SLC38A2: variants seen among roughly 807,000 people sequenced by gnomAD.
SLC38A2 encodes solute carrier family 38 member 2.
Under a neutral mutation model 61.5 loss-of-function variants are expected in SLC38A2, and 11 were observed. That is an observed-to-expected ratio of 0.18 (90% CI 0.11 to 0.30). SLC38A2 has a LOEUF of 0.30. Among genes scored for constraint, SLC38A2 ranks in the 10% least tolerant of loss-of-function variants. SLC38A2 has a pLI of 1.00. For synonymous variants in SLC38A2, 217 were observed against 212.5 expected, an observed-to-expected ratio of 1.02 and a Z score of -0.18; for missense variants, 522 against 600.4, an observed-to-expected ratio of 0.87 and a Z score of 1.36.
chr12:46,368,124 AAAG>A (rs1385133862), intron 4 of SLC38A2, among the ~76,000 whole-genome samples: 2 of 152,156 alleles, frequency 1.3e-5, no homozygotes, highest in East Asian at 3.8e-4. Context: ...AAAAAAAAAG[AAAG>A]AAAAGGAAAA....
In SLC38A2 at chr12:46,362,393, C is replaced by G; in HGVS notation, c.1325-12G>C. On this transcript the variant is annotated splice_polypyrimidine_tract_variant and intron_variant, in intron 14 of 15. Coordinates refer to ENST00000256689, the MANE Select transcript of SLC38A2 (RefSeq NM_018976.5). ...AGCTGCAGATGCACCTGTAAAACAA[C>G]ATTTATGTTTCTTGAGGATTCAATG... is the stretch of plus-strand genomic sequence containing the variant. 6.2e-7 allele frequency: 1 copy of G among 1,604,962 alleles called. No homozygotes were observed. Among genetic ancestry groups the G allele is most frequent in the South Asian group, 1.1e-5 (1 of 88,962 alleles).
chr12:46,368,151 GA>G, intron 4 of SLC38A2, among the ~76,000 whole-genome samples: 1 of 152,126 alleles, frequency 6.6e-6, no homozygotes, highest in African/African-American at 2.4e-5. Context: ...TGGTAAGGGG[GA>G]AATGACACTA....
chr12:46,372,200 A>G (rs1592209370), intron 1 of SLC38A2: 1 of 153,566 alleles, frequency 6.5e-6, no homozygotes, highest in South Asian at 2.1e-4. Context: ...TTAAATGCAA[A>G]TCAGTCACAA....
At chr12:46,364,986 C>T (rs1277079616) in intron 8 of SLC38A2, 121 bp downstream of exon 8, 23 of 965,828 alleles carry the variant, frequency 2.4e-5, no homozygotes, top group Non-Finnish European at 3.5e-5. Flanking sequence ...TGCTGTAAGT[C>T]CCAAAGATAT....
At chr12:46,371,612 C>T (rs911112813) in intron 1 of SLC38A2, 1 of 320,106 alleles carries the variant, frequency 3.1e-6, no homozygotes, top group Non-Finnish European at 5.8e-6. Context: ...CCCCCTACTC[C>T]GGCAGATTTC....
chr12:46,362,663 A>C, intron 13 of SLC38A2, 25 bp from the exon 14 acceptor site: 1 of 1,547,538 alleles, frequency 6.5e-7, no homozygotes, highest in South Asian at 1.3e-5. Flanking sequence ...AATAAAATGT[A>C]TTTTAAAAAT....
Position 46,360,995 on chromosome 12 carries a change from A to T in SLC38A2, c.*116T>A, listed in dbSNP as rs1295094999. 3 of 745,062 alleles carry T rather than the reference A, an allele frequency of 4.0e-6. No individual in the cohort carries two copies. The highest frequency in any genetic ancestry group is 6.6e-6 in the Non-Finnish European group (3 of 452,090). The allele number at this position is 745,062 out of a possible 1,614,324, so 46.2% of individuals were successfully genotyped here. ...TATTCTGCACTCAGAAGAACCAGCG[A>T]GGAATCTGCACTTCAAAAGGAAGTG... is the stretch of plus-strand genomic sequence containing the variant. On this transcript the variant is annotated 3_prime_UTR_variant, in exon 16 of 16. Coordinates refer to ENST00000256689, the MANE Select transcript of SLC38A2 (RefSeq NM_018976.5).
At chr12:46,372,074 T>C (rs942262670) in intron 1 of SLC38A2, among the ~76,000 whole-genome samples, 3 of 152,272 alleles carry the variant, frequency 2.0e-5, no homozygotes, top group Admixed American at 6.5e-5. Context: ...CGATCGTCGA[T>C]TGTCAAATGT....
At position 46,364,405 on chromosome 12, in the gene SLC38A2, A is replaced by T; in HGVS notation, c.857T>A (p.Phe286Tyr). Residue 286 changes from phenylalanine to tyrosine, a missense_variant, in exon 10 of 16, where the codon TTT (phenylalanine) becomes TAT (tyrosine). Physicochemically the swap from Phe to Tyr is conservative, Grantham distance 22 (BLOSUM62 3). Coordinates refer to ENST00000256689, the MANE Select transcript of SLC38A2 (RefSeq NM_018976.5). Reference sequence around the variant, plus strand: ...TTTAGTTACCTGTGAGTTGAAAATAAAATAGTGAGGTCTGCAAGAGTCATT... The same window carrying T: ...TTTAGTTACCTGTGAGTTGAAAATATAATAGTGAGGTCTGCAAGAGTCATT... ...TENDSCRPHY[F>Y]IFNSQTVYAV... 1.3e-6 allele frequency: 2 copies of T among 1,581,808 alleles called. No homozygotes were observed. Among genetic ancestry groups the T allele is most frequent in the South Asian group, 2.3e-5 (2 of 85,258 alleles).
intron 2 of SLC38A2, 114 bp downstream of exon 2, chr12:46,371,064 C>T (rs560222450): frequency 3.1e-6 from 3 of 976,256 alleles, no homozygotes; most frequent in East Asian, 4.9e-5. Flanking sequence ...TCAGAGATTA[C>T]GCACCTTCTC....
chr12:46,366,665 T>C (rs535266938), intron 7 of SLC38A2, among the ~76,000 whole-genome samples, 199 bp downstream of exon 7: 1 of 152,196 alleles, frequency 6.6e-6, no homozygotes, highest in African/African-American at 2.4e-5. Context: ...TCCAAAATTG[T>C]AGGGCTAGCT....
Position 46,363,923 on chromosome 12 carries a change from CTCTT to C in SLC38A2, c.950_953del (p.Lys317ThrfsTer7), listed in dbSNP as rs775477605. 11 of 1,606,850 alleles carry C rather than the reference CTCTT, an allele frequency of 6.8e-6. No individual in the cohort carries two copies. Among genetic ancestry groups the C allele is most frequent in the South Asian group, 3.4e-5 (3 of 89,354 alleles). On this transcript the variant is annotated frameshift_variant and splice_region_variant, in exon 11 of 16. Coordinates refer to ENST00000256689, the MANE Select transcript of SLC38A2 (RefSeq NM_018976.5). LOFTEE classifies it high-confidence loss of function. The stretch of plus-strand genomic sequence containing the variant: ...AATTTATGTAAAAATGAAATACTCA[CTCTT>C]TCAGTTCTTCATAGATGGGAAGAAC...
chr12:46,366,662 T>C (rs549811419), intron 7 of SLC38A2, among the ~76,000 whole-genome samples: 2 of 152,212 alleles, frequency 1.3e-5, no homozygotes, highest in East Asian at 1.9e-4. Flanking sequence ...ATATCCAAAA[T>C]TGTAGGGCTA....
chr12:46,364,450 A>C lies in SLC38A2; in HGVS notation c.812T>G (p.Leu271Trp), dbSNP rs1943117141. The change falls in exon 10 of 16, where the codon TTG becomes TGG. Residue 271 changes from leucine to tryptophan, a missense_variant. Physicochemically the swap from Leu to Trp is moderately conservative, Grantham distance 61 (BLOSUM62 -2). This residue lies in a region of SLC38A2 where 309 missense variants were observed against 343.9 expected (regional missense o/e 0.90). Transcript: ENST00000256689. ...GTCATTTTCAGTCACGTTATGTGACAAAGCAGGTACAAGAGCTGTTGGCTG... is the reference window on the plus strand; with the variant it reads ...GTCATTTTCAGTCACGTTATGTGACCAAGCAGGTACAAGAGCTGTTGGCTG... ...LTQPTALVPA[L>W]SHNVTENDSC... The C allele has an allele frequency of 1.2e-5, 19 of 1,610,538 alleles. No individual in the cohort carries two copies. The highest frequency in any genetic ancestry group is 1.6e-5 in the Non-Finnish European group (19 of 1,178,790).
At chr12:46,362,030 A>G (rs1943087158) in intron 15 of SLC38A2, 2 of 330,220 alleles carry the variant, frequency 6.1e-6, no homozygotes, top group East Asian at 5.5e-5. Flanking sequence ...TATCTCATCT[A>G]GTCTTCATCC....
chr12:46,362,302 T>C lies in SLC38A2; in HGVS notation c.1404A>G (p.Lys468=). 3 of 1,610,960 alleles carry C rather than the reference T, an allele frequency of 1.9e-6. No homozygotes were observed. The highest frequency in any genetic ancestry group is 1.7e-6 in the Non-Finnish European group (2 of 1,178,578). Residue 468 remains lysine, a synonymous_variant, in exon 15 of 16, where the codon AAA becomes AAG. Transcript: ENST00000256689. ...YIKLVKKEPM[K]SVQKIGALFF... is the part of the protein sequence containing the mutation. ...CACTCACCCCAATCTTTTGTACAGA[T>C]TTCATAGGTTCTTTCTTCACCAACT...
chr12:46,366,840 T>G (rs1214002176), intron 7 of SLC38A2, 24 bp downstream of exon 7: 1 of 1,582,758 alleles, frequency 6.3e-7, no homozygotes, highest in Non-Finnish European at 8.6e-7. Context: ...TTGTTTCTTA[T>G]GAGTAACCTT....
chr12:46,371,209 A>G lies in SLC38A2; in HGVS notation c.85T>C (p.Ser29Pro), dbSNP rs774233294. 11 of 1,614,208 alleles carry G rather than the reference A, an allele frequency of 6.8e-6. No individual in the cohort carries two copies. In the Admixed American group the frequency reaches 1.5e-4, roughly 22 times the overall value. The change falls in exon 2 of 16, where the codon TCC becomes CCC. Residue 29 changes from serine to proline, a missense_variant. Ser to Pro is a moderately conservative substitution (Grantham distance 74). This residue lies in a region of SLC38A2 where 102 missense variants were observed against 83.1 expected (regional missense o/e 1.23). Transcript: ENST00000256689. ...SYSSNSDFNY[S>P]YPTKQAALKS... Reference sequence around the variant, plus strand: ...AGAGCAGCTTGCTTGGTGGGGTAGGAGTAGTTGAAGTCGCTGTTGGAACTG... The same window carrying G: ...AGAGCAGCTTGCTTGGTGGGGTAGGGGTAGTTGAAGTCGCTGTTGGAACTG...
chr12:46,365,488 T>C (rs1165610237), intron 7 of SLC38A2, among the ~76,000 whole-genome samples: 2 of 152,154 alleles, frequency 1.3e-5, no homozygotes, highest in Admixed American at 6.6e-5. Context: ...TTGATACTAA[T>C]GCAGGGAACA....
Sources: allele counts gnomAD v4.1 joint callset (sites outside exome capture counted in the v4.1 genomes callset), GRCh38; gene constraint gnomAD v4.1.1; regional missense constraint gnomAD v4.1.1; transcripts MANE v1.5; gene names NCBI Gene and HGNC (gene_info 2026-07-23, HGNC 2026-07-21).